The following DPY19L2 variants were observed in gnomAD, a reference collection of about 807,000 sequenced individuals.
DPY19L2 encodes the protein probable C-mannosyltransferase DPY19L2.
In DPY19L2, 34 loss-of-function variants were observed where a neutral mutation model predicts 97.9. The ratio of observed to expected loss-of-function variants is 0.35; its 90% CI spans 0.26 to 0.46. The LOEUF (loss-of-function observed/expected upper bound fraction) is 0.46. Ranked by LOEUF, DPY19L2 falls within the 20% of genes least tolerant of loss-of-function variation. DPY19L2 has a pLI of 1.00. For synonymous variants in DPY19L2, 230 were observed against 307.9 expected (o/e 0.75, Z 2.65); for missense variants, 623 against 911.4 (o/e 0.68, Z 4.07).
chr12:63,601,883 G>A (rs1355188022), intron 12 of DPY19L2, among the ~76,000 whole-genome samples: 1 of 151,270 alleles, frequency 6.6e-6, no homozygotes, highest in East Asian at 1.9e-4. Context: ...CACAAAAAAA[G>A]AGAAAAGTTA....
At position 63,570,222 on chromosome 12, in the gene DPY19L2, G is replaced by A. The variant is rs144736766; in HGVS notation, c.2000+536C>T. On this transcript the variant is annotated intron_variant, in intron 20 of 21. Coordinates refer to ENST00000324472, the MANE Select transcript of DPY19L2 (RefSeq NM_173812.5). ...GAAAGCAAAACTTTTAGACATCAAT[G>A]GAAACTAGAGTTCTCATAATCGACT... 4.2e-3 allele frequency among the ~76,000 whole-genome samples: 639 copies of A among 152,216 alleles called. 10 individuals are homozygous for A. Among genetic ancestry groups the A allele is most frequent in the African/African-American group, 0.015 (604 of 41,516 alleles).
At chr12:63,650,837 T>A (rs1297185030) in intron 4 of DPY19L2, among the ~76,000 whole-genome samples, 1 of 152,120 alleles carries the variant, frequency 6.6e-6, no homozygotes, top group African/African-American at 2.4e-5. Flanking sequence ...TTAGAAAAAC[T>A]ATTCTAAAAC....
intron 19 of DPY19L2, among the ~76,000 whole-genome samples, chr12:63,575,224 G>A (rs1879607758): frequency 6.6e-6 from 1 of 151,976 alleles, no homozygotes; most frequent in Admixed American, 6.5e-5. Context: ...TGACTGGTAG[G>A]TTAATAAAGA....
chr12:63,625,254 G>A (rs1198467561), intron 7 of DPY19L2, among the ~76,000 whole-genome samples: 3 of 151,938 alleles, frequency 2.0e-5, no homozygotes, highest in Non-Finnish European at 4.4e-5. Context: ...AAATTTAGCT[G>A]AGCATGGTGG....
chr12:63,593,062 G>C (rs1188358783), intron 16 of DPY19L2, among the ~76,000 whole-genome samples: 1 of 151,814 alleles, frequency 6.6e-6, no homozygotes. Flanking sequence ...CTGGCCATCA[G>C]AGAAATGCAA....
At chr12:63,635,778 T>G (rs995488735) in intron 6 of DPY19L2, among the ~76,000 whole-genome samples, 4 of 152,130 alleles carry the variant, frequency 2.6e-5, no homozygotes, top group Non-Finnish European at 5.9e-5. Flanking sequence ...TGGCACTATA[T>G]GAAAAGACCA....
chr12:63,629,903 G>A (rs1248904609), intron 6 of DPY19L2, among the ~76,000 whole-genome samples: 1 of 152,116 alleles, frequency 6.6e-6, no homozygotes, highest in Non-Finnish European at 1.5e-5. Context: ...GAGAGTGGGG[G>A]CCAATATTCA....
intron 12 of DPY19L2, among the ~76,000 whole-genome samples, chr12:63,603,922 GT>G (rs1885605665): frequency 6.6e-6 from 1 of 152,048 alleles, no homozygotes; most frequent in Non-Finnish European, 1.5e-5. Context: ...CATGGTACTG[GT>G]ACAAAAACAG....
At chr12:63,600,873 C>T (rs558749680) in intron 12 of DPY19L2, among the ~76,000 whole-genome samples, 2 of 151,326 alleles carry the variant, frequency 1.3e-5, no homozygotes, top group African/African-American at 4.8e-5. Flanking sequence ...GCAAGCTCCG[C>T]CTCCCGGGTT....
chr12:63,601,031 C>T (rs1331733193), intron 12 of DPY19L2, among the ~76,000 whole-genome samples: 19 of 152,220 alleles, frequency 1.2e-4, no homozygotes, highest in Middle Eastern at 6.8e-3. Context: ...GTGATCCACC[C>T]GTCTCGGCCT....
chr12:63,657,068 T>A (rs1895062234), intron 4 of DPY19L2, among the ~76,000 whole-genome samples: 1 of 152,202 alleles, frequency 6.6e-6, no homozygotes, highest in South Asian at 2.1e-4. Context: ...TACCTTTAGG[T>A]ATGCCTCATA....
chr12:63,611,223 C>T (rs1446764548), intron 11 of DPY19L2, among the ~76,000 whole-genome samples: 3 of 152,018 alleles, frequency 2.0e-5, no homozygotes, highest in Non-Finnish European at 4.4e-5. Flanking sequence ...CAATATTAGC[C>T]ATAAACTAAC....
upstream of DPY19L2, chr12:63,668,557 C>T (rs1896612400): frequency 1.3e-6 from 1 of 744,378 alleles, no homozygotes; most frequent in African/African-American, 1.8e-5. Context: ...GGGTGGGGCG[C>T]ATGCGTTGGA....
chr12:63,636,880 A>C (rs777681626), intron 6 of DPY19L2, among the ~76,000 whole-genome samples: 6 of 152,156 alleles, frequency 3.9e-5, no homozygotes, highest in Non-Finnish European at 7.4e-5. Flanking sequence ...GATCAACGAG[A>C]CAGAAAGTTA....
Position 63,663,849 on chromosome 12 carries a change from G to GA in DPY19L2, c.363-5dup, listed in dbSNP as rs765372680. The stretch of plus-strand genomic sequence containing the variant: ...AAAAAGTGTTACTAAATGTAACCTA[G>GA]AAAAAAATGAAGTATCATATTACAA... On this transcript the variant is annotated splice_region_variant and splice_polypyrimidine_tract_variant and intron_variant, in intron 2 of 21. Transcript: ENST00000324472. 1.1e-5 allele frequency: 17 copies of GA among 1,577,292 alleles called. No individual in the cohort carries two copies. The African/African-American group carries it at 2.3e-4, about 22-fold the overall frequency.
At chr12:63,615,370 A>G (rs1326910472) in intron 11 of DPY19L2, among the ~76,000 whole-genome samples, 1 of 152,214 alleles carries the variant, frequency 6.6e-6, no homozygotes, top group Non-Finnish European at 1.5e-5. Context: ...TAACAGAGCC[A>G]GCATAAGGCA....
Position 63,626,393 on chromosome 12 carries a change from T to C in DPY19L2, c.861+76A>G, listed in dbSNP as rs7295477. On this transcript the variant is annotated intron_variant, in intron 7 of 21. Transcript: ENST00000324472. ...GTCATAAGTAGTATACAATTAAATA[T>C]TGTTTTGATGAGTATATTTCCTTGT... is the stretch of plus-strand genomic sequence containing the variant. 2.2e-3 allele frequency: 3,136 copies of C among 1,412,264 alleles called. 71 individuals carry two copies. The African/African-American group carries it at 0.042, about 19-fold the overall frequency. The allele number at this position is 1,412,264 out of a possible 1,614,324, so 87.5% of individuals were successfully genotyped here. A position where few individuals can be genotyped will look rare whatever the true frequency, so the allele number is the denominator to read the frequency against.
intron 7 of DPY19L2, 25 bp downstream of exon 7, chr12:63,626,444 A>T: frequency 1.3e-6 from 2 of 1,560,346 alleles, no homozygotes; most frequent in Non-Finnish European, 1.7e-6. Context: ...TCTATTTCTT[A>T]AAAATTGCTT....
chr12:63,622,589 G>C (rs1398989191), intron 8 of DPY19L2, among the ~76,000 whole-genome samples: 1 of 152,120 alleles, frequency 6.6e-6, no homozygotes, highest in Non-Finnish European at 1.5e-5. Context: ...TGTGGTTAAA[G>C]AGATAAATAT....
Sources: allele counts gnomAD v4.1 joint callset (sites outside exome capture counted in the v4.1 genomes callset), GRCh38; gene constraint gnomAD v4.1.1; transcripts MANE v1.5; gene names NCBI Gene and HGNC (gene_info 2026-07-23, HGNC 2026-07-21).